Variants in KCNH7 observed in about 807,000 individuals in gnomAD.
The protein encoded by KCNH7 is potassium voltage-gated channel subfamily H member 7, also known as voltage-gated inwardly rectifying potassium channel KCNH7.
In KCNH7, 49 loss-of-function variants were observed where a neutral mutation model predicts 120.8. That is an observed-to-expected ratio of 0.41 (90% CI 0.32 to 0.51). The LOEUF is 0.51. Ranked by LOEUF, KCNH7 falls within the 20% of genes least tolerant of loss-of-function variation. The pLI is 0.38. For missense variants in KCNH7, 1,097 were observed against 1,446.6 expected, an observed-to-expected ratio of 0.76 and a Z score of 3.92; for synonymous variants, 547 against 516.1, an observed-to-expected ratio of 1.06 and a Z score of -0.81.
chr2:162,629,996 T>G (rs1683708352), intron 2 of KCNH7, among the ~76,000 whole-genome samples: 1 of 152,108 alleles, frequency 6.6e-6, no homozygotes, highest in Admixed American at 6.6e-5. Flanking sequence ...ATTTCAGTTT[T>G]CAGAGGCAGA....
At chr2:162,790,688 CA>C (rs1683902130) in intron 2 of KCNH7, among the ~76,000 whole-genome samples, 2 of 151,918 alleles carry the variant, frequency 1.3e-5, no homozygotes, top group South Asian at 2.1e-4. Context: ...ATACACAAAT[CA>C]AAAATTGTGA....
intron 2 of KCNH7, among the ~76,000 whole-genome samples, chr2:162,614,002 A>G (rs1040123100): frequency 1.3e-5 from 2 of 151,994 alleles, no homozygotes; most frequent in South Asian, 4.1e-4. Flanking sequence ...ACAGAGTACA[A>G]AGAAACTGAG....
intron 2 of KCNH7, among the ~76,000 whole-genome samples, chr2:162,753,694 G>A (rs1394583051): frequency 2.0e-5 from 3 of 151,816 alleles, no homozygotes; most frequent in African/African-American, 4.8e-5. Flanking sequence ...GCCACAGATG[G>A]GATTATTTCA....
intron 2 of KCNH7, chr2:162,795,405 C>G (rs1325125900): frequency 6.6e-6 from 1 of 151,906 alleles, no homozygotes; most frequent in Non-Finnish European, 1.5e-5. Context: ...GGGACACCCT[C>G]TTTTTAAAGG....
intron 2 of KCNH7, among the ~76,000 whole-genome samples, chr2:162,620,167 G>C (rs368177604): frequency 6.7e-6 from 1 of 149,698 alleles, no homozygotes; most frequent in East Asian, 1.9e-4. Context: ...TATATAGAGA[G>C]AGAGATAGAT....
At chr2:162,470,562 T>C (rs1456089629) in intron 6 of KCNH7, among the ~76,000 whole-genome samples, 1 of 151,116 alleles carries the variant, frequency 6.6e-6, no homozygotes, top group Non-Finnish European at 1.5e-5. Flanking sequence ...AGCCACCCCG[T>C]CCGGGAGGGA....
At chr2:162,536,438 T>C (rs1025075539) in intron 3 of KCNH7, among the ~76,000 whole-genome samples, 2 of 151,984 alleles carry the variant, frequency 1.3e-5, no homozygotes, top group Admixed American at 1.3e-4. Flanking sequence ...TGACACGCTT[T>C]GTTGGCATAG....
intron 2 of KCNH7, among the ~76,000 whole-genome samples, chr2:162,791,732 A>G (rs898099647): frequency 5.3e-5 from 8 of 152,140 alleles, no homozygotes; most frequent in East Asian, 1.9e-4. Flanking sequence ...GCAAAGAGGG[A>G]TAGTTTGAAT....
chr2:162,665,208 T>C lies in KCNH7; in HGVS notation c.308-128128A>G, dbSNP rs56837436. 5.3e-3 allele frequency among the ~76,000 whole-genome samples: 809 copies of C among 152,290 alleles called. 8 individuals carry two copies. The highest frequency in any genetic ancestry group is 0.019 in the African/African-American group (779 of 41,576). On this transcript the variant is annotated intron_variant, in intron 2 of 15. Transcript: ENST00000332142. ...AGAACACAGATGATTTAAAATAATC[T>C]TGAAAAAATCTTCTATCACACAAGT...
chr2:162,737,011 G>C (rs1306908756), intron 2 of KCNH7, among the ~76,000 whole-genome samples: 3 of 151,992 alleles, frequency 2.0e-5, no homozygotes, highest in Non-Finnish European at 4.4e-5. Context: ...CTATGGTTCT[G>C]GAAATAACAC....
At chr2:162,435,936 C>G (rs1329306037) in intron 7 of KCNH7, among the ~76,000 whole-genome samples, 2 of 152,026 alleles carry the variant, frequency 1.3e-5, no homozygotes, top group Non-Finnish European at 2.9e-5. Context: ...CCTACTAACG[C>G]CACAGGCTGA....
At chr2:162,670,110 A>G (rs147894000) in intron 2 of KCNH7, among the ~76,000 whole-genome samples, 26 of 151,910 alleles carry the variant, frequency 1.7e-4, no homozygotes, top group African/African-American at 5.8e-4. Context: ...TCAAACAAAC[A>G]AACAAAAGAA....
intron 3 of KCNH7, among the ~76,000 whole-genome samples, chr2:162,534,238 A>T (rs1322407472): frequency 9.2e-5 from 14 of 151,554 alleles, no homozygotes; most frequent in Admixed American, 9.2e-4. Context: ...GCAATGAAAA[A>T]GAGGCAACAA....
intron 2 of KCNH7, among the ~76,000 whole-genome samples, chr2:162,733,543 A>G (rs1170592953): frequency 6.6e-6 from 1 of 152,236 alleles, no homozygotes; most frequent in Non-Finnish European, 1.5e-5. Context: ...TTCTCAGAAC[A>G]AAGATAATAC....
At chr2:162,510,478 T>C (rs1691034064) in intron 5 of KCNH7, among the ~76,000 whole-genome samples, 1 of 151,454 alleles carries the variant, frequency 6.6e-6, no homozygotes, top group Admixed American at 6.6e-5. Flanking sequence ...AGTTAAAGAA[T>C]GGCATCCTCT....
At chr2:162,409,120 G>C (rs1687313381) in intron 9 of KCNH7, among the ~76,000 whole-genome samples, 1 of 151,602 alleles carries the variant, frequency 6.6e-6, no homozygotes, top group Non-Finnish European at 1.5e-5. Flanking sequence ...ACAGTAGCAA[G>C]CTAGCTTAAA....
chr2:162,523,196 A>G (rs1455559150), intron 3 of KCNH7, among the ~76,000 whole-genome samples: 4 of 151,812 alleles, frequency 2.6e-5, no homozygotes, highest in Admixed American at 6.6e-5. Flanking sequence ...ATGAGAATCT[A>G]ATGAAAATCC....
chr2:162,495,783 G>A (rs187775306), intron 6 of KCNH7, among the ~76,000 whole-genome samples: 133 of 152,250 alleles, frequency 8.7e-4, no homozygotes, highest in Non-Finnish European at 1.4e-3. Flanking sequence ...AAAAGGGATG[G>A]ATAATGTAAA....
intron 2 of KCNH7, among the ~76,000 whole-genome samples, chr2:162,594,129 G>A (rs1285418286): frequency 1.3e-5 from 2 of 151,938 alleles, no homozygotes; most frequent in African/African-American, 4.8e-5. Flanking sequence ...TTTGATGAAG[G>A]CCCCAAATTT....
Sources: allele counts gnomAD v4.1 joint callset (sites outside exome capture counted in the v4.1 genomes callset), GRCh38; gene constraint gnomAD v4.1.1; transcripts MANE v1.5; gene names NCBI Gene and HGNC (gene_info 2026-07-23, HGNC 2026-07-21).